MFAP5: variants seen among roughly 807,000 people sequenced by gnomAD.
The protein encoded by MFAP5 is microfibril associated protein 5.
MFAP5 carries 19 observed loss-of-function variants against 30.1 expected under a neutral mutation model. The ratio of observed to expected loss-of-function variants is 0.63; its 90% CI spans 0.44 to 0.93. The LOEUF is 0.93. MFAP5 is among the 40% of genes least tolerant of loss of function. The probability of loss-of-function intolerance (pLI) is 0.00; values close to 1 mark genes in which losing one functional copy is unlikely to be tolerated. For missense variants in MFAP5, 210 were observed against 221.3 expected (o/e 0.95, Z 0.32); for synonymous variants, 92 against 72.9 (o/e 1.26, Z -1.33).
chr12:8,648,158 C>T lies in MFAP5; in HGVS notation c.455G>A (p.Arg152His), dbSNP rs761990899. The T allele has an allele frequency of 1.3e-5, 21 of 1,613,820 alleles. No homozygotes were observed. Among genetic ancestry groups the T allele is most frequent in the Admixed American group, 8.3e-5 (5 of 59,970 alleles). ...QMAGLPPRRL[R>H]RSNYFRLPPC... ...AGGAAGTCGGAAGTAATTGGAGCGA[C>T]GGAGTCTCCTAGGGGGCAGACCAGC... The change falls in exon 10 of 10, where the codon CGT becomes CAT. Residue 152 changes from arginine (R) to histidine (H), a missense_variant. By Grantham distance (29) the Arg-to-His change is conservative. Transcript: ENST00000359478.
At chr12:8,654,146 AT>A in intron 6 of MFAP5, 1 of 276,188 alleles carries the variant, frequency 3.6e-6, no homozygotes, top group South Asian at 1.1e-4. Context: ...AAAAAAAAAA[AT>A]TCAGTCAAAG....
intron 8 of MFAP5, chr12:8,650,259 A>T (rs1941797607): frequency 6.1e-6 from 3 of 494,098 alleles, no homozygotes; most frequent in Non-Finnish European, 7.4e-6. Flanking sequence ...TTCCCTCATG[A>T]CCCTTCTTCC....
chr12:8,650,699 T>A, intron 7 of MFAP5, 110 bp from the exon 8 acceptor site: 1 of 876,060 alleles, frequency 1.1e-6, no homozygotes. Context: ...TACAGAGTAA[T>A]CTCTACAGAG....
chr12:8,648,611 T>C (rs759720491), intron 9 of MFAP5: 25 of 1,040,616 alleles, frequency 2.4e-5, no homozygotes, highest in Non-Finnish European at 2.7e-5. Context: ...GTGCTTACTA[T>C]GGGCAAACAG....
intron 6 of MFAP5, 134 bp from the exon 7 acceptor site, chr12:8,651,825 A>G: frequency 1.3e-6 from 1 of 784,132 alleles, no homozygotes. Context: ...ACTCTTAGCA[A>G]CTTCTAAAAG....
chr12:8,662,078 C>T lies in MFAP5; in HGVS notation c.27G>A (p.Leu9=). 6.2e-7 allele frequency: 1 copy of T among 1,613,790 alleles called. No homozygotes were observed. The highest frequency in any genetic ancestry group is 1.7e-4 in the Middle Eastern group (1 of 5,940). The change falls in exon 2 of 10, where the codon CTG becomes CTA. Residue 9 remains leucine (L), a synonymous_variant. Coordinates refer to ENST00000359478, the MANE Select transcript of MFAP5 (RefSeq NM_003480.4). ...TGATGATGAATGCAGCAAGAAACAG[C>T]AGCACCTTGGGTCCCAAGAGCGACA... The part of the protein sequence containing the change: MSLLGPKV[L]LFLAAFIITS...
rs969368646 is a variant in MFAP5 at position 8,654,552 on chromosome 12, G to C, written c.173-71C>G. ...AAACACAAGGCAGAGTAAGAAAAGG[G>C]AGAATGGAGATACCGTGGCAGGTGG... On this transcript the variant is annotated intron_variant, in intron 5 of 9. Coordinates refer to ENST00000359478, the MANE Select transcript of MFAP5 (RefSeq NM_003480.4). 9.1e-6 allele frequency: 13 copies of C among 1,423,308 alleles called. No individual in the cohort carries two copies. The African/African-American group carries it at 1.7e-4, about 19-fold the overall frequency. 88.2% of individuals were successfully genotyped at this position (1,423,308 alleles called of 1,614,324 possible).
chr12:8,660,842 G>A (rs73245451), intron 3 of MFAP5, 21 bp downstream of exon 3: 58 of 1,603,398 alleles, frequency 3.6e-5, no homozygotes, highest in African/African-American at 1.2e-4. Flanking sequence ...CAACAGAGCC[G>A]CTATCCAAGG....
At chr12:8,655,146 C>T (rs978522622) in intron 5 of MFAP5, among the ~76,000 whole-genome samples, 5 of 151,826 alleles carry the variant, frequency 3.3e-5, no homozygotes, top group Non-Finnish European at 4.4e-5. Context: ...GGCATGGTGT[C>T]GGGTGCCTAT....
chr12:8,658,016 T>C (rs1333267412), intron 3 of MFAP5, among the ~76,000 whole-genome samples: 2 of 152,248 alleles, frequency 1.3e-5, no homozygotes, highest in Non-Finnish European at 2.9e-5. Flanking sequence ...GGAATTTCCC[T>C]TGCTTACCTC....
intron 7 of MFAP5, among the ~76,000 whole-genome samples, chr12:8,651,167 A>C (rs34033038): frequency 0.071 from 10,758 of 152,196 alleles, 401 homozygotes; most frequent in Middle Eastern, 0.11. Context: ...ACTCCATCTC[A>C]GAAAAATAAA....
chr12:8,660,424 C>T (rs1160784968), intron 3 of MFAP5, among the ~76,000 whole-genome samples: 1 of 151,818 alleles, frequency 6.6e-6, no homozygotes, highest in East Asian at 1.9e-4. Context: ...TGGGCTCAAG[C>T]GATCCTCCTG....
chr12:8,649,429 T>C, intron 9 of MFAP5, 72 bp downstream of exon 9: 3 of 1,382,190 alleles, frequency 2.2e-6, no homozygotes, highest in South Asian at 2.3e-5. Context: ...ACTTTGGATA[T>C]AGTAATATCA....
intron 3 of MFAP5, among the ~76,000 whole-genome samples, chr12:8,656,543 G>T (rs1406692773): frequency 2.1e-5 from 3 of 143,942 alleles, no homozygotes; most frequent in African/African-American, 7.9e-5. Context: ...AAGTAGCTGG[G>T]ATTACAGGCG....
chr12:8,656,211 C>T (rs1941981037), intron 3 of MFAP5, among the ~76,000 whole-genome samples: 1 of 151,802 alleles, frequency 6.6e-6, no homozygotes, highest in South Asian at 2.1e-4. Context: ...CAGGCGCCCG[C>T]CACAGCGCCC....
rs761251019 is a variant in MFAP5, at chr12:8,650,613, A to T, written c.248-24T>A. On this transcript the variant is annotated intron_variant, in intron 7 of 9. Coordinates refer to ENST00000359478, the MANE Select transcript of MFAP5 (RefSeq NM_003480.4). ...CTCTGAGGAAGCCCAATACAAAAAAATAAGGAGGTCCAAATAGAAGCAGCA... is the reference window on the plus strand; with the variant it reads ...CTCTGAGGAAGCCCAATACAAAAAATTAAGGAGGTCCAAATAGAAGCAGCA... 6 of 1,577,428 alleles carry T rather than the reference A, an allele frequency of 3.8e-6. No homozygotes were observed. In the African/African-American group the frequency reaches 5.4e-5, roughly 14 times the overall value.
rs918234382 is a variant in MFAP5 at position 8,646,492 on chromosome 12, G to A, written c.*1599C>T. 1 of 151,968 alleles carries A rather than the reference G, an allele frequency of 6.6e-6. No individual in the cohort carries two copies. The highest frequency in any genetic ancestry group is 2.4e-5 in the African/African-American group (1 of 41,372). The allele number at this position is 151,968 out of a possible 1,614,324, so 9.4% of individuals were successfully genotyped here. A position where few individuals can be genotyped will look rare whatever the true frequency, so the allele number is the denominator to read the frequency against. ...ATGGGATTTTCTTCTATTCCATTGT[G>A]GACTGCTACCCTCACCTAGGATAAA... On this transcript the variant is annotated 3_prime_UTR_variant, in exon 10 of 10. Transcript: ENST00000359478.
chr12:8,653,776 T>C (rs1438689889), intron 6 of MFAP5, among the ~76,000 whole-genome samples: 1 of 152,220 alleles, frequency 6.6e-6, no homozygotes, highest in Non-Finnish European at 1.5e-5. Context: ...AGATGTCTAG[T>C]AGAAGAAAAT....
At chr12:8,655,746 T>C in intron 4 of MFAP5, 40 bp downstream of exon 4, 1 of 1,594,258 alleles carries the variant, frequency 6.3e-7, no homozygotes, top group Non-Finnish European at 8.5e-7. Flanking sequence ...CTATCCCCAA[T>C]AAAACAGCAA....
Sources: allele counts gnomAD v4.1 joint callset (sites outside exome capture counted in the v4.1 genomes callset), GRCh38; gene constraint gnomAD v4.1.1; transcripts MANE v1.5; gene names NCBI Gene and HGNC (gene_info 2026-07-23, HGNC 2026-07-21).